The following TSPAN9 variants were observed in gnomAD, a reference collection of about 807,000 sequenced individuals.
The protein encoded by TSPAN9 is tetraspanin 9.
Under a neutral mutation model 31.0 loss-of-function variants are expected in TSPAN9, and 16 were observed. That is an observed-to-expected ratio of 0.52 (90% CI 0.35 to 0.78). TSPAN9 has a LOEUF of 0.78. Ranked by LOEUF, TSPAN9 falls within the 30% of genes least tolerant of loss-of-function variation. The probability of loss-of-function intolerance (pLI) is 0.01; values close to 1 mark genes in which losing one functional copy is unlikely to be tolerated. For missense variants in TSPAN9, 272 were observed against 312.5 expected, an observed-to-expected ratio of 0.87 and a Z score of 0.98; for synonymous variants, 145 against 121.6, an observed-to-expected ratio of 1.19 and a Z score of -1.27.
intron 3 of TSPAN9, among the ~76,000 whole-genome samples, chr12:3,220,935 C>T (rs1180081919): frequency 1.1e-4 from 17 of 152,166 alleles, no homozygotes; most frequent in African/African-American, 3.9e-4. Context: ...ATCCTTCATC[C>T]GTTGCTCTTT....
chr12:3,193,002 T>C (rs941972555), intron 2 of TSPAN9, among the ~76,000 whole-genome samples: 1 of 152,162 alleles, frequency 6.6e-6, no homozygotes, highest in African/African-American at 2.4e-5. Flanking sequence ...TTATTCCTTA[T>C]TTTTTTACAT....
intron 2 of TSPAN9, among the ~76,000 whole-genome samples, chr12:3,121,533 CTTTTTTTTTTTTTTT>C (rs59376087): frequency 3.2e-5 from 3 of 92,926 alleles, no homozygotes; most frequent in African/African-American, 1.3e-4. Flanking sequence ...CTAATTAAAA[CTTTTTTTTTTTTTTT>C]TTTTTTTTTT....
chr12:3,228,781 A>G (rs1292363735), intron 3 of TSPAN9, among the ~76,000 whole-genome samples: 1 of 152,236 alleles, frequency 6.6e-6, no homozygotes, highest in Non-Finnish European at 1.5e-5. Flanking sequence ...GGTGGCTGAA[A>G]ACAACAGAAG....
At position 3,187,041 on chromosome 12, in the gene TSPAN9, G is replaced by A. The variant is rs1485860049; in HGVS notation, c.-17-14136G>A. Among the ~76,000 whole-genome samples the A allele has an allele frequency of 6.6e-6, 1 of 152,214 alleles. No individual in the cohort carries two copies. The highest frequency in any genetic ancestry group is 6.5e-5 in the Admixed American group (1 of 15,280). On this transcript the variant is annotated intron_variant, in intron 2 of 8. Coordinates refer to ENST00000011898, the MANE Select transcript of TSPAN9 (RefSeq NM_006675.5). This position sits in a 1 kb window ranked among gnomAD's most constrained non-coding sequence, Gnocchi z 5.2. Reference sequence around the variant, plus strand: ...ACACCATGGCATTGGCAAGCGCTCTGAATCGGGGCTTTTCCCCTGTAGAGC... The same window carrying A: ...ACACCATGGCATTGGCAAGCGCTCTAAATCGGGGCTTTTCCCCTGTAGAGC...
At chr12:3,229,261 CCAG>C (rs1472413003) in intron 3 of TSPAN9, among the ~76,000 whole-genome samples, 3 of 152,284 alleles carry the variant, frequency 2.0e-5, no homozygotes, top group Middle Eastern at 3.4e-3. Context: ...CAAATCTGTA[CCAG>C]CCTCCTACCA....
chr12:3,110,394 C>T (rs950015775), intron 2 of TSPAN9, among the ~76,000 whole-genome samples: 2 of 152,178 alleles, frequency 1.3e-5, no homozygotes, highest in Admixed American at 6.5e-5. Flanking sequence ...TTAAAGCCAC[C>T]ATGCTGGCCA....
At position 3,226,778 on chromosome 12, in the gene TSPAN9, A is replaced by G. The variant is rs1490068087; in HGVS notation, c.63+25522A>G. ...TATATATATATATATATATATATATATATATATATATATATATTTTTTTTT... is the reference window on the plus strand; with the variant it reads ...TATATATATATATATATATATATATGTATATATATATATATATTTTTTTTT... On this transcript the variant is annotated intron_variant, in intron 3 of 8. Coordinates refer to ENST00000011898, the MANE Select transcript of TSPAN9 (RefSeq NM_006675.5). Among the ~76,000 whole-genome samples, 11 of 1,680 alleles carry G rather than the reference A, an allele frequency of 6.5e-3. 2 individuals carry two copies. The highest frequency in any genetic ancestry group is 0.025 in the African/African-American group (11 of 436). 1.1% of individuals were successfully genotyped at this position (1,680 alleles called of 152,430 possible).
chr12:3,144,583 C>T (rs542655585), intron 2 of TSPAN9, among the ~76,000 whole-genome samples: 1 of 152,226 alleles, frequency 6.6e-6, no homozygotes, highest in Non-Finnish European at 1.5e-5. Flanking sequence ...CCATTCTGCA[C>T]TTCCAGCCCC....
At chr12:3,097,100 T>C (rs1045321776) in intron 2 of TSPAN9, among the ~76,000 whole-genome samples, 1 of 152,106 alleles carries the variant, frequency 6.6e-6, no homozygotes, top group East Asian at 1.9e-4. Flanking sequence ...GCTCAGAATT[T>C]CATGCTGAGG....
chr12:3,266,707 C>T (rs928309061), intron 3 of TSPAN9, among the ~76,000 whole-genome samples: 1 of 152,216 alleles, frequency 6.6e-6, no homozygotes, highest in Admixed American at 6.5e-5. Context: ...CCATCTCTGG[C>T]AGAGAGACCT....
At chr12:3,274,831 T>G (rs756476889) in intron 3 of TSPAN9, among the ~76,000 whole-genome samples, 3 of 152,216 alleles carry the variant, frequency 2.0e-5, no homozygotes, top group Admixed American at 6.5e-5. Flanking sequence ...TGCACAGGCC[T>G]CCTCACTGGG....
intron 3 of TSPAN9, among the ~76,000 whole-genome samples, chr12:3,243,196 C>G (rs987999160): frequency 6.6e-6 from 1 of 152,134 alleles, no homozygotes; most frequent in Non-Finnish European, 1.5e-5. Flanking sequence ...TCCCTGTACC[C>G]GAGTTACTGT....
At chr12:3,111,032 C>G (rs1292864863) in intron 2 of TSPAN9, among the ~76,000 whole-genome samples, 1 of 152,194 alleles carries the variant, frequency 6.6e-6, no homozygotes, top group Non-Finnish European at 1.5e-5. Context: ...AGTTCTTGTT[C>G]TGTAAAACAA....
intron 3 of TSPAN9, among the ~76,000 whole-genome samples, chr12:3,241,994 C>T (rs942488989): frequency 2.6e-5 from 4 of 152,190 alleles, no homozygotes; most frequent in Non-Finnish European, 2.9e-5. Flanking sequence ...TCCCAAAGAC[C>T]GAGAATTCTT....
intron 3 of TSPAN9, among the ~76,000 whole-genome samples, chr12:3,276,818 G>A (rs749068602): frequency 1.3e-5 from 2 of 152,128 alleles, no homozygotes; most frequent in Admixed American, 6.5e-5. Context: ...CACTGAATAC[G>A]CAGGTGTTCA....
rs935021666 is a variant in TSPAN9, at chr12:3,143,478, T to C, written c.-17-57699T>C. On this transcript the variant is annotated intron_variant, in intron 2 of 8. Coordinates refer to ENST00000011898, the MANE Select transcript of TSPAN9 (RefSeq NM_006675.5). The surrounding 1 kb of genome is among the most constrained non-coding windows in gnomAD (Gnocchi z 4.2). ...CCCTCATTTCTTCTGCATTTATTAATTGGAATTCTCCAAGAAGGAAGAGCT... is the reference window on the plus strand; with the variant it reads ...CCCTCATTTCTTCTGCATTTATTAACTGGAATTCTCCAAGAAGGAAGAGCT... Among the ~76,000 whole-genome samples, 1 of 151,934 alleles carries C rather than the reference T, an allele frequency of 6.6e-6. No homozygotes were observed. Among genetic ancestry groups the C allele is most frequent in the African/African-American group, 2.4e-5 (1 of 41,388 alleles).
rs1863014850 is a variant in TSPAN9 at position 3,286,279 on chromosome 12, C to T, written c.*3163C>T. 6.5e-6 allele frequency: 1 copy of T among 152,820 alleles called. No individual in the cohort carries two copies. Among genetic ancestry groups the T allele is most frequent in the Non-Finnish European group, 1.5e-5 (1 of 68,200 alleles). The allele number at this position is 152,820 out of a possible 1,614,324, so 9.5% of individuals were successfully genotyped here. On this transcript the variant is annotated 3_prime_UTR_variant, in exon 9 of 9. Transcript: ENST00000011898. This position sits in a 1 kb window ranked among gnomAD's most constrained non-coding sequence, Gnocchi z 4.1. Reference sequence around the variant, plus strand: ...TTCCCGTGCCCCACACTTTCCTCCTCCCCACTGCAGTGAGTCAATAGTCCA... The same window carrying T: ...TTCCCGTGCCCCACACTTTCCTCCTTCCCACTGCAGTGAGTCAATAGTCCA...
chr12:3,166,546 G>A (rs1252572540), intron 2 of TSPAN9, among the ~76,000 whole-genome samples: 3 of 152,208 alleles, frequency 2.0e-5, no homozygotes, highest in Non-Finnish European at 4.4e-5. Flanking sequence ...GGGCTACCGG[G>A]ATGAATAAAT....
chr12:3,117,171 G>A (rs1366871973), intron 2 of TSPAN9, among the ~76,000 whole-genome samples: 1 of 152,086 alleles, frequency 6.6e-6, no homozygotes, highest in Non-Finnish European at 1.5e-5. Context: ...GGCTGTCTTG[G>A]GTGGCTGCAC....
Sources: allele counts gnomAD v4.1 joint callset (sites outside exome capture counted in the v4.1 genomes callset), GRCh38; gene constraint gnomAD v4.1.1; non-coding constraint Gnocchi (gnomAD v3.1); transcripts MANE v1.5; gene names NCBI Gene and HGNC (gene_info 2026-07-23, HGNC 2026-07-21).